The following ATP5MC2 variants were observed in gnomAD, a reference collection of about 807,000 sequenced individuals.
The protein encoded by ATP5MC2 is ATP synthase F(0) complex subunit C2, mitochondrial.
ATP5MC2 carries 11 observed loss-of-function variants against 13.5 expected under a neutral mutation model. The observed-to-expected ratio is 0.81, with a 90% CI of 0.51 to 1.35. ATP5MC2 has a LOEUF of 1.35. Among genes scored for constraint, ATP5MC2 ranks in the 40% most tolerant of loss-of-function variants. The pLI is 0.00. For synonymous variants in ATP5MC2, 64 were observed against 69.7 expected, an observed-to-expected ratio of 0.92 and a Z score of 0.41; for missense variants, 132 against 175.0, an observed-to-expected ratio of 0.75 and a Z score of 1.39.
intron 2 of ATP5MC2, among the ~76,000 whole-genome samples, chr12:53,670,855 T>A (rs1945076120): frequency 6.6e-6 from 1 of 152,044 alleles, no homozygotes; most frequent in African/African-American, 2.4e-5. Flanking sequence ...ATTCCTGACC[T>A]CAGGTGATCC....
chr12:53,668,417 C>T lies in ATP5MC2; in HGVS notation c.311+731G>A, dbSNP rs1431712811. On this transcript the variant is annotated intron_variant, in intron 4 of 4. Transcript: ENST00000394349. ...CTCCCGGGTTCAAGCGATTCTTCTG[C>T]CTCAGCCTCCTGAATAGCTGGGATT... Among the ~76,000 whole-genome samples, 17 of 152,004 alleles carry T rather than the reference C, an allele frequency of 1.1e-4. 1 individual carries two copies. The highest frequency in any genetic ancestry group is 4.1e-4 in the African/African-American group (17 of 41,472).
chr12:53,672,083 C>CAAAAAAAACAAAAAAAAAAAAAAAAAAA (rs1945110919), intron 2 of ATP5MC2, among the ~76,000 whole-genome samples: 1 of 47,186 alleles, frequency 2.1e-5, no homozygotes, highest in Non-Finnish European at 3.8e-5. Flanking sequence ...AACTCTGTCT[C>CAAAAAAAACAAAAAAAAAAAAAAAAAAA]AAAAAAAAAA....
At chr12:53,668,046 T>C (rs184196332) in intron 4 of ATP5MC2, among the ~76,000 whole-genome samples, 1 of 143,790 alleles carries the variant, frequency 7.0e-6, no homozygotes, top group Non-Finnish European at 1.5e-5. Flanking sequence ...TGGAATGCAG[T>C]GGCACCATCT....
At chr12:53,680,802 G>T (rs1945336276), upstream of ATP5MC2, among the ~76,000 whole-genome samples, 1 of 152,210 alleles carries the variant, frequency 6.6e-6, no homozygotes, top group African/African-American at 2.4e-5. Context: ...TGTTCTTGGT[G>T]TTGAGGACAC....
In ATP5MC2 at chr12:53,676,078, G is replaced by C. The variant is rs1201407733; in HGVS notation, c.-57C>G. On this transcript the variant is annotated 5_prime_UTR_variant, in exon 1 of 5. Coordinates refer to ENST00000394349, the MANE Select transcript of ATP5MC2 (RefSeq NM_005176.7). ...CTGCTCCCACTGCAGAGAAGACAGAGAGGGGCGGAGCAGCGGGAAGAGCGA... is the reference window on the plus strand; with the variant it reads ...CTGCTCCCACTGCAGAGAAGACAGACAGGGGCGGAGCAGCGGGAAGAGCGA... 5 of 1,614,256 alleles carry C rather than the reference G, an allele frequency of 3.1e-6. No individual in the cohort carries two copies. Among genetic ancestry groups the C allele is most frequent in the South Asian group, 1.1e-5 (1 of 91,092 alleles).
At position 53,672,947 on chromosome 12, in the gene ATP5MC2, CAG is replaced by C. The variant is rs568875368; in HGVS notation, c.-31-304_-31-303del. 5.5e-5 allele frequency: 16 copies of C among 289,770 alleles called. No individual in the cohort carries two copies. In the South Asian group the frequency reaches 6.3e-4, roughly 11 times the overall value. The allele number at this position is 289,770 out of a possible 1,614,324, so 17.9% of individuals were successfully genotyped here. ...TTTGCAGTTGCCACAGGAATTTTCC[CAG>C]AGTGTCTTTTGCCTAAGTTTTCCTT... On this transcript the variant is annotated intron_variant, in intron 1 of 4. Transcript: ENST00000394349.
upstream of ATP5MC2, chr12:53,676,331 G>A (rs1396715969): frequency 2.3e-6 from 3 of 1,329,232 alleles, no homozygotes; most frequent in Non-Finnish European, 3.1e-6. Context: ...CGTGGACTGC[G>A]GTTTGGTCTG....
At chr12:53,665,511 T>A in intron 4 of ATP5MC2, 83 bp from the exon 5 acceptor site, 1 of 1,111,860 alleles carries the variant, frequency 9.0e-7, no homozygotes, top group Non-Finnish European at 1.4e-6. Context: ...TCAGGGAGAA[T>A]CCCCCTCTTC....
At chr12:53,668,575 G>C (rs540888080) in intron 4 of ATP5MC2, among the ~76,000 whole-genome samples, 2 of 152,094 alleles carry the variant, frequency 1.3e-5, no homozygotes, top group South Asian at 2.1e-4. Context: ...AAAGTGCTGG[G>C]ATTAGTGAGC....
chr12:53,681,231 A>G (rs930639785), upstream of ATP5MC2, among the ~76,000 whole-genome samples: 3 of 151,618 alleles, frequency 2.0e-5, no homozygotes, highest in Non-Finnish European at 2.9e-5. Flanking sequence ...AGAAAAGAAA[A>G]AGAAAAAAAC....
chr12:53,669,675 C>T (rs1800635), intron 3 of ATP5MC2, among the ~76,000 whole-genome samples, 196 bp downstream of exon 3: 149 of 152,332 alleles, frequency 9.8e-4, no homozygotes, highest in Non-Finnish European at 1.9e-3. Flanking sequence ...GCATGTGCTG[C>T]CAGTGGCAAA....
chr12:53,667,956 CAT>C (rs772110168), intron 4 of ATP5MC2, among the ~76,000 whole-genome samples: 5,968 of 66,298 alleles, frequency 0.09, 225 homozygotes, highest in Middle Eastern at 0.16. Context: ...CATACACACA[CAT>C]ATATATATAT....
chr12:53,672,699 T>G, intron 1 of ATP5MC2, 54 bp from the exon 2 acceptor site: 1 of 1,508,160 alleles, frequency 6.6e-7, no homozygotes, highest in Non-Finnish European at 9.0e-7. Flanking sequence ...AACTATATCC[T>G]TATTAGCAGA....
upstream of ATP5MC2, chr12:53,677,550 C>T (rs1215549182): frequency 6.6e-6 from 1 of 152,150 alleles, no homozygotes; most frequent in Non-Finnish European, 1.5e-5. Context: ...GCCCTGAGCT[C>T]CTGAAAGGGA....
At chr12:53,666,238 G>A (rs1437154775) in intron 4 of ATP5MC2, among the ~76,000 whole-genome samples, 1 of 151,952 alleles carries the variant, frequency 6.6e-6, no homozygotes, top group Non-Finnish European at 1.5e-5. Flanking sequence ...GAGGTCAGGA[G>A]TTCGAGACCA....
chr12:53,676,075 A>T lies in ATP5MC2; in HGVS notation c.-54T>A. On this transcript the variant is annotated 5_prime_UTR_variant, in exon 1 of 5. Coordinates refer to ENST00000394349, the MANE Select transcript of ATP5MC2 (RefSeq NM_005176.7). ...TACCTGCTCCCACTGCAGAGAAGAC[A>T]GAGAGGGGCGGAGCAGCGGGAAGAG... 6.2e-7 allele frequency: 1 copy of T among 1,614,186 alleles called. No homozygotes were observed. The highest frequency in any genetic ancestry group is 8.5e-7 in the Non-Finnish European group (1 of 1,180,028).
At chr12:53,678,788 C>T (rs765609661), upstream of ATP5MC2, among the ~76,000 whole-genome samples, 33 of 152,124 alleles carry the variant, frequency 2.2e-4, no homozygotes, top group Non-Finnish European at 4.4e-4. Flanking sequence ...AAGGGAAAAC[C>T]GGGGTCCAGG....
At chr12:53,666,928 A>G (rs1037940836) in intron 4 of ATP5MC2, among the ~76,000 whole-genome samples, 2 of 142,412 alleles carry the variant, frequency 1.4e-5, no homozygotes, top group African/African-American at 5.4e-5. Context: ...TCTGGGAGAC[A>G]GCGAGACTCA....
At chr12:53,676,494 G>A (rs1297655985), upstream of ATP5MC2, 4 of 298,004 alleles carry the variant, frequency 1.3e-5, no homozygotes, top group Non-Finnish European at 2.5e-5. Flanking sequence ...GATCTTGGGA[G>A]TCCTGCTTTC....
Sources: allele counts gnomAD v4.1 joint callset (sites outside exome capture counted in the v4.1 genomes callset), GRCh38; gene constraint gnomAD v4.1.1; transcripts MANE v1.5; gene names NCBI Gene and HGNC (gene_info 2026-07-23, HGNC 2026-07-21).